The following POLK variants were observed in gnomAD, a reference collection of about 807,000 sequenced individuals.
POLK encodes the protein polymerase (DNA directed) kappa.
Under a neutral mutation model 94.0 loss-of-function variants are expected in POLK, and 76 were observed. The observed-to-expected ratio is 0.81, with a 90% confidence interval of 0.67 to 0.98. The LOEUF (loss-of-function observed/expected upper bound fraction) is 0.98, where lower values mean the gene tolerates loss of function less well. Among genes scored for constraint, POLK ranks in the 50% least tolerant of loss-of-function variants. The probability of loss-of-function intolerance (pLI) is 0.00; values close to 1 mark genes in which losing one functional copy is unlikely to be tolerated. For synonymous variants in POLK, 349 were observed against 325.4 expected, an observed-to-expected ratio of 1.07 and a Z score of -0.78; for missense variants, 954 against 1,010.1, an observed-to-expected ratio of 0.94 and a Z score of 0.75.
intron 1 of POLK, among the ~76,000 whole-genome samples, chr5:75,525,151 A>G (rs1164862532): frequency 6.6e-6 from 1 of 152,256 alleles, no homozygotes; most frequent in African/African-American, 2.4e-5. Context: ...AGCCAGGGAA[A>G]TGTGAACTAT....
Position 75,567,154 on chromosome 5 carries a change from A to G in POLK, c.256-2186A>G, listed in dbSNP as rs573328049. ...AGCTTGCTGAAGACATTATTATAGC[A>G]TTAATATATGAGTCTGAGGAGAATT... On this transcript the variant is annotated intron_variant, in intron 3 of 14. Coordinates refer to ENST00000241436, the Ensembl canonical transcript of POLK. Among the ~76,000 whole-genome samples, 3 of 152,304 alleles carry G rather than the reference A, an allele frequency of 2.0e-5. No individual in the cohort carries two copies. The South Asian group carries it at 6.2e-4, about 32-fold the overall frequency.
chr5:75,573,887 C>G lies in POLK; in HGVS notation c.540+18C>G, dbSNP rs1468966134. On this transcript the variant is annotated intron_variant, in intron 5 of 14. Transcript: ENST00000241436. ...GTAAAGAGGTAAGTTAATGTCTCAC[C>G]CCTACTTTAGGCTTTCACTGAGTTC... 1 of 1,611,914 alleles carries G rather than the reference C, an allele frequency of 6.2e-7. No homozygotes were observed. Among genetic ancestry groups the G allele is most frequent in the East Asian group, 2.2e-5 (1 of 44,800 alleles).
chr5:75,538,248 C>CTA (rs1561347715), intron 1 of POLK, among the ~76,000 whole-genome samples: 1 of 152,106 alleles, frequency 6.6e-6, no homozygotes, highest in Non-Finnish European at 1.5e-5. Flanking sequence ...TTTCATAATG[C>CTA]TATACCATGT....
chr5:75,554,248 G>T (rs1364900486), intron 3 of POLK, among the ~76,000 whole-genome samples: 1 of 152,086 alleles, frequency 6.6e-6, no homozygotes, highest in African/African-American at 2.4e-5. Flanking sequence ...AATAGATTTT[G>T]GGGTTCAAGC....
intron 7 of POLK, 116 bp downstream of exon 7, chr5:75,581,564 C>A: frequency 1.1e-6 from 1 of 877,238 alleles, no homozygotes; most frequent in Non-Finnish European, 1.7e-6. Context: ...CTTACTTAGT[C>A]TTTCATTCAA....
chr5:75,583,387 G>A, exon 8 of POLK: 1 of 1,603,052 alleles, frequency 6.2e-7, no homozygotes, highest in Non-Finnish European at 8.5e-7. Context: ...AAGCTGTGAT[G>A]GACTTCATCA....
At chr5:75,582,823 C>T in intron 7 of POLK, 1 of 153,776 alleles carries the variant, frequency 6.5e-6, no homozygotes, top group Non-Finnish European at 1.4e-5. Flanking sequence ...GTGTTGCGTG[C>T]CTCTAATCCC....
At chr5:75,591,716 T>G (rs1772795805) in intron 11 of POLK, among the ~76,000 whole-genome samples, 2 of 152,182 alleles carry the variant, frequency 1.3e-5, no homozygotes, top group South Asian at 4.1e-4. Context: ...AGTTTCTTAG[T>G]TTTTCCTTCT....
intron 9 of POLK, among the ~76,000 whole-genome samples, chr5:75,586,571 T>C (rs185788794): frequency 9.4e-4 from 143 of 152,296 alleles, no homozygotes; most frequent in Non-Finnish European, 1.8e-3. Flanking sequence ...AAATTCTGAC[T>C]GAGGTTCTAT....
exon 4 of POLK, chr5:75,569,346 A>C: frequency 3.7e-6 from 6 of 1,604,118 alleles, no homozygotes; most frequent in Non-Finnish European, 4.3e-6. Flanking sequence ...TAAGGTTGAC[A>C]GATTTGCAAT....
At chr5:75,551,555 G>A (rs1770333865) in intron 2 of POLK, among the ~76,000 whole-genome samples, 1 of 152,160 alleles carries the variant, frequency 6.6e-6, no homozygotes, top group South Asian at 2.1e-4. Context: ...GTCAAAAGAT[G>A]TGAATAGACA....
At chr5:75,608,969 C>G in the POLK span, 1 of 152,140 alleles carries the variant, frequency 6.6e-6, no homozygotes, top group Non-Finnish European at 1.5e-5. Flanking sequence ...AAAATACCTC[C>G]CACAGTATAC....
intron 3 of POLK, among the ~76,000 whole-genome samples, chr5:75,566,374 C>A (rs1431343734): frequency 6.6e-6 from 1 of 152,198 alleles, no homozygotes; most frequent in African/African-American, 2.4e-5. Flanking sequence ...AGGGAATGAA[C>A]GGTTCTGTCT....
intron 4 of POLK, 117 bp from the exon 5 acceptor site, chr5:75,573,621 T>C (rs934865805): frequency 1.2e-6 from 1 of 853,124 alleles, no homozygotes; most frequent in Admixed American, 2.4e-5. Context: ...AACTGGCCTA[T>C]AAATGAAATG....
At chr5:75,556,217 A>G (rs1009558903) in intron 3 of POLK, among the ~76,000 whole-genome samples, 8 of 152,134 alleles carry the variant, frequency 5.3e-5, no homozygotes, top group African/African-American at 1.7e-4. Flanking sequence ...TAATATGTGT[A>G]TAGTGGTATC....
chr5:75,571,446 T>C (rs1276171488), intron 4 of POLK, among the ~76,000 whole-genome samples: 4 of 152,180 alleles, frequency 2.6e-5, no homozygotes, highest in Non-Finnish European at 5.9e-5. Flanking sequence ...ATTTATTTGC[T>C]CATGATTCTG....
At chr5:75,566,636 C>A (rs1420163066) in intron 3 of POLK, among the ~76,000 whole-genome samples, 2 of 152,178 alleles carry the variant, frequency 1.3e-5, no homozygotes, top group Non-Finnish European at 2.9e-5. Context: ...TTCCCAGACC[C>A]CTTGTGCTTC....
chr5:75,520,486 C>T (rs1768519427), intron 1 of POLK, among the ~76,000 whole-genome samples: 1 of 152,164 alleles, frequency 6.6e-6, no homozygotes. Context: ...TCTCGAACTC[C>T]TGGGCTCAAA....
At chr5:75,521,347 GT>G (rs1245094868) in intron 1 of POLK, among the ~76,000 whole-genome samples, 2 of 151,400 alleles carry the variant, frequency 1.3e-5, no homozygotes, top group Non-Finnish European at 2.9e-5. Flanking sequence ...CTTACTGATT[GT>G]TTTTTTCTGC....
Sources: gnomAD v4.1 joint callset for allele counts (sites outside exome capture counted in the v4.1 genomes callset) on GRCh38, gnomAD v4.1.1 for gene constraint, MANE v1.5 for transcripts, NCBI Gene and HGNC (gene_info 2026-07-23, HGNC 2026-07-21) for gene names.